PTCHD4: variants seen among roughly 807,000 people sequenced by gnomAD.
PTCHD4 encodes the protein patched domain containing 4, also known as patched domain-containing protein 4.
A neutral mutation model predicts 58.1 loss-of-function variants in PTCHD4; 33 were observed. That is an observed-to-expected ratio of 0.57 (90% CI 0.43 to 0.76). The LOEUF (loss-of-function observed/expected upper bound fraction) is 0.76. Among genes scored for constraint, PTCHD4 ranks in the 30% least tolerant of loss-of-function variants. PTCHD4 has a pLI of 0.00. For synonymous variants in PTCHD4, 478 were observed against 409.6 expected (o/e 1.17, Z -2.02); for missense variants, 1,058 against 1,027.1 (o/e 1.03, Z -0.41).
intron 1 of PTCHD4, among the ~76,000 whole-genome samples, chr6:48,107,185 A>G (rs1017650929): frequency 6.2e-4 from 95 of 152,200 alleles, no homozygotes; most frequent in Non-Finnish European, 1.2e-3. Flanking sequence ...GCATCATGCT[A>G]CCTGACTTCA....
chr6:47,923,359 T>TA (rs1765493599), intron 4 of PTCHD4, among the ~76,000 whole-genome samples: 1 of 152,170 alleles, frequency 6.6e-6, no homozygotes, highest in Non-Finnish European at 1.5e-5. Context: ...CTTATAGTCT[T>TA]ACTACTCTTT....
rs951285387 is a variant in PTCHD4, at chr6:47,899,571, T to C, written c.899-19635A>G. 12 of 983,606 alleles carry C rather than the reference T, an allele frequency of 1.2e-5. No homozygotes were observed. In the Admixed American group the frequency reaches 6.8e-4, roughly 55 times the overall value. 60.9% of individuals were successfully genotyped at this position (983,606 alleles called of 1,614,324 possible). A position where few individuals can be genotyped will look rare whatever the true frequency, so the allele number is the denominator to read the frequency against. On this transcript the variant is annotated intron_variant, in intron 4 of 4. Transcript: ENST00000339488. ...ATGTTATCCTAATAAGGTTTGCAAA[T>C]GAAGTAGAAAAAAAGAAATGGAAAG...
chr6:47,887,336 C>T (rs1379634804), intron 4 of PTCHD4, among the ~76,000 whole-genome samples: 1 of 150,778 alleles, frequency 6.6e-6, no homozygotes, highest in Non-Finnish European at 1.5e-5. Context: ...ATAAATGTTA[C>T]TATTTATCAT....
intron 1 of PTCHD4, among the ~76,000 whole-genome samples, chr6:48,107,499 A>T (rs1420845514): frequency 6.6e-6 from 1 of 152,204 alleles, no homozygotes; most frequent in African/African-American, 2.4e-5. Context: ...TAAAAACCCT[A>T]GAAGAAAACC....
chr6:47,998,567 A>G (rs561404394), intron 4 of PTCHD4, among the ~76,000 whole-genome samples: 119 of 152,330 alleles, frequency 7.8e-4, no homozygotes, highest in African/African-American at 2.8e-3. Context: ...TGCAGTAAAA[A>G]GTGCAAGAGA....
chr6:48,044,464 G>A (rs1171488059), intron 3 of PTCHD4, among the ~76,000 whole-genome samples: 1 of 151,852 alleles, frequency 6.6e-6, no homozygotes, highest in African/African-American at 2.4e-5. Flanking sequence ...ACTTGGAGCT[G>A]AGGGTATCTG....
intron 3 of PTCHD4, among the ~76,000 whole-genome samples, chr6:48,046,594 G>GT (rs1290333836): frequency 1.3e-5 from 2 of 151,642 alleles, no homozygotes; most frequent in South Asian, 2.1e-4. Flanking sequence ...AGCAATTTCA[G>GT]TTTTTATTCT....
At chr6:47,994,248 T>C (rs1267179204) in intron 4 of PTCHD4, among the ~76,000 whole-genome samples, 1 of 152,032 alleles carries the variant, frequency 6.6e-6, no homozygotes, top group Non-Finnish European at 1.5e-5. Flanking sequence ...ATGGTGGCAA[T>C]GGAGAGGGAA....
Position 47,878,879 on chromosome 6 carries a change from C to T in PTCHD4, c.1956G>A (p.Leu652=), listed in dbSNP as rs763515544. The T allele has an allele frequency of 1.9e-6, 3 of 1,613,664 alleles. No individual in the cohort carries two copies. The South Asian group carries it at 3.3e-5, about 18-fold the overall frequency. The change falls in exon 5 of 5, where the codon TTG becomes TTA. Residue 652 remains leucine, a synonymous_variant. Transcript: ENST00000339488. ...PSFVFMDHYS[L]SVTVPVLIAG... Reference sequence around the variant, plus strand: ...CAATCAGAACAGGCACTGTGACAGACAAGCTGTAATGGTCCATGAAGACAA... The same window carrying T: ...CAATCAGAACAGGCACTGTGACAGATAAGCTGTAATGGTCCATGAAGACAA...
chr6:47,902,339 T>C (rs1446341796), intron 4 of PTCHD4, among the ~76,000 whole-genome samples: 1 of 152,172 alleles, frequency 6.6e-6, no homozygotes, highest in African/African-American at 2.4e-5. Flanking sequence ...GGTGAAGGCA[T>C]ATATTCAAGA....
chr6:47,958,621 A>G (rs1240671219), intron 4 of PTCHD4, among the ~76,000 whole-genome samples: 2 of 152,224 alleles, frequency 1.3e-5, no homozygotes, highest in Non-Finnish European at 2.9e-5. Context: ...CTCACAGAAT[A>G]GAATACTGGA....
intron 4 of PTCHD4, among the ~76,000 whole-genome samples, chr6:47,968,095 G>A (rs76697984): frequency 6.6e-6 from 1 of 152,224 alleles, no homozygotes; most frequent in East Asian, 1.9e-4. Context: ...CTGGCTTTTG[G>A]CTTCAGATGA....
At chr6:48,046,107 A>G (rs1764028207) in intron 3 of PTCHD4, among the ~76,000 whole-genome samples, 1 of 151,890 alleles carries the variant, frequency 6.6e-6, no homozygotes, top group Admixed American at 6.6e-5. Context: ...AAATGAATGT[A>G]AGTTACTTAG....
At chr6:47,996,561 G>GACTC (rs2114049573) in intron 4 of PTCHD4, among the ~76,000 whole-genome samples, 2 of 152,272 alleles carry the variant, frequency 1.3e-5, no homozygotes, top group East Asian at 3.9e-4. Context: ...CAGAGCCAAG[G>GACTC]AGCCTGGGAG....
At chr6:47,888,671 TTA>T (rs1319647411) in intron 4 of PTCHD4, among the ~76,000 whole-genome samples, 1 of 152,092 alleles carries the variant, frequency 6.6e-6, no homozygotes, top group Non-Finnish European at 1.5e-5. Flanking sequence ...TTTATTATTA[TTA>T]TACTTTAAGT....
intron 4 of PTCHD4, among the ~76,000 whole-genome samples, chr6:47,963,183 T>A (rs879793974): frequency 4.6e-5 from 7 of 151,852 alleles, no homozygotes; most frequent in Admixed American, 4.6e-4. Flanking sequence ...AAAATAGGAA[T>A]AAGATTAAAT....
At chr6:47,931,762 A>G (rs1026436995) in intron 4 of PTCHD4, among the ~76,000 whole-genome samples, 3 of 144,888 alleles carry the variant, frequency 2.1e-5, no homozygotes, top group African/African-American at 4.9e-5. Flanking sequence ...TATTAGCATA[A>G]TAATGGCACA....
intron 4 of PTCHD4, among the ~76,000 whole-genome samples, chr6:47,893,870 A>G (rs2114131686): frequency 6.6e-6 from 1 of 152,366 alleles, no homozygotes; most frequent in East Asian, 1.9e-4. Flanking sequence ...TTAATTGTGG[A>G]AAAATGCTGA....
intron 3 of PTCHD4, among the ~76,000 whole-genome samples, chr6:48,014,055 G>A (rs776744257): frequency 9.9e-5 from 15 of 151,864 alleles, no homozygotes; most frequent in Non-Finnish European, 4.4e-5. Context: ...GTTTATAAAA[G>A]GTACACTTCT....
Sources: gnomAD v4.1 joint callset for allele counts (sites outside exome capture counted in the v4.1 genomes callset) on GRCh38, gnomAD v4.1.1 for gene constraint, MANE v1.5 for transcripts, NCBI Gene and HGNC (gene_info 2026-07-23, HGNC 2026-07-21) for gene names.